SPON1: variants seen among roughly 807,000 people sequenced by gnomAD.
The protein encoded by SPON1 is spondin 1.
A neutral mutation model predicts 111.7 loss-of-function variants in SPON1; 52 were observed. The ratio of observed to expected loss-of-function variants is 0.47; its 90% CI spans 0.37 to 0.59. SPON1 has a LOEUF of 0.59. Ranked by LOEUF, SPON1 falls within the 20% of genes least tolerant of loss-of-function variation. SPON1 has a pLI of 0.00. For synonymous variants in SPON1, 410 were observed against 395.8 expected (o/e 1.04, Z -0.43); for missense variants, 957 against 1,068.5 (o/e 0.90, Z 1.46).
chr11:14,126,073 G>A (rs1847456289), intron 5 of SPON1, among the ~76,000 whole-genome samples: 2 of 152,196 alleles, frequency 1.3e-5, no homozygotes, highest in South Asian at 4.1e-4. Context: ...GGGAGAGTCT[G>A]CCTTTTATGT....
intron 2 of SPON1, among the ~76,000 whole-genome samples, chr11:14,025,545 C>T (rs186543353): frequency 3.3e-5 from 5 of 152,284 alleles, no homozygotes; most frequent in African/African-American, 9.6e-5. Flanking sequence ...CTGGAGCTGT[C>T]GATTCCACTG....
intron 2 of SPON1, among the ~76,000 whole-genome samples, chr11:13,996,289 T>A (rs1242908068): frequency 6.6e-6 from 1 of 152,204 alleles, no homozygotes; most frequent in African/African-American, 2.4e-5. Context: ...CAACACATTT[T>A]AAAAGCGATG....
At chr11:13,978,464 C>T (rs1376466152) in intron 1 of SPON1, among the ~76,000 whole-genome samples, 1 of 152,106 alleles carries the variant, frequency 6.6e-6, no homozygotes, top group Non-Finnish European at 1.5e-5. Flanking sequence ...GAACGTCTTA[C>T]AAATGTGTAA....
rs561514109 is a variant in SPON1, at chr11:14,090,069, TTA to T, written c.676+10049_676+10050del. Among the ~76,000 whole-genome samples the T allele has an allele frequency of 7.1e-4, 108 of 152,274 alleles. No homozygotes were observed. In the South Asian group the frequency reaches 0.02, roughly 29 times the overall value. The stretch of plus-strand genomic sequence containing the variant: ...AGTAAGAATTTCAAGCCAGTGGTTC[TTA>T]GACTGCTGGGCTCCACGGGAATGGG... On this transcript the variant is annotated intron_variant, in intron 5 of 15. Coordinates refer to ENST00000576479, the MANE Select transcript of SPON1 (RefSeq NM_006108.4).
At chr11:14,191,107 T>A (rs759532277) in intron 6 of SPON1, among the ~76,000 whole-genome samples, 12 of 152,182 alleles carry the variant, frequency 7.9e-5, no homozygotes, top group Non-Finnish European at 1.0e-4. Context: ...CTTTGTGAAG[T>A]TCCTCAAAAG....
At chr11:14,187,421 C>T (rs1172182447) in intron 6 of SPON1, among the ~76,000 whole-genome samples, 6 of 152,126 alleles carry the variant, frequency 3.9e-5, no homozygotes, top group African/African-American at 1.4e-4. Flanking sequence ...CTCTTATTGC[C>T]TTGGCCCACC....
chr11:14,099,200 T>C (rs1411809633), intron 5 of SPON1, among the ~76,000 whole-genome samples: 1 of 152,230 alleles, frequency 6.6e-6, no homozygotes, highest in Non-Finnish European at 1.5e-5. Context: ...ATTTTCATAG[T>C]TCCTAGCATA....
At chr11:14,086,131 C>G (rs1174049094) in intron 5 of SPON1, among the ~76,000 whole-genome samples, 1 of 152,084 alleles carries the variant, frequency 6.6e-6, no homozygotes, top group African/African-American at 2.4e-5. Flanking sequence ...TTTGAGTATG[C>G]TTTATTTCTT....
intron 6 of SPON1, among the ~76,000 whole-genome samples, chr11:14,172,999 T>G (rs1373548928): frequency 6.6e-6 from 1 of 151,912 alleles, no homozygotes; most frequent in Admixed American, 6.6e-5. Flanking sequence ...AGGAGCATCT[T>G]TGTGGCGTTC....
At chr11:14,248,317 A>G (rs1032839652) in intron 7 of SPON1, among the ~76,000 whole-genome samples, 5 of 152,170 alleles carry the variant, frequency 3.3e-5, no homozygotes, top group Non-Finnish European at 5.9e-5. Flanking sequence ...GAAGTTTGCT[A>G]TGAAAGAAGA....
intron 6 of SPON1, among the ~76,000 whole-genome samples, chr11:14,221,708 T>TG (rs1342982900): frequency 6.6e-6 from 1 of 152,204 alleles, no homozygotes; most frequent in African/African-American, 2.4e-5. Context: ...TTCTTATCAA[T>TG]GGGGGGTTCT....
At chr11:14,246,768 A>ATATT (rs1191104541) in intron 7 of SPON1, among the ~76,000 whole-genome samples, 11 of 152,270 alleles carry the variant, frequency 7.2e-5, no homozygotes, top group African/African-American at 2.6e-4. Flanking sequence ...GTGGGGAGAG[A>ATATT]TATTTACTAA....
intron 1 of SPON1, among the ~76,000 whole-genome samples, chr11:13,981,059 A>G (rs1417425575): frequency 2.0e-5 from 3 of 152,192 alleles, no homozygotes; most frequent in Non-Finnish European, 4.4e-5. Flanking sequence ...TTAAATCTCA[A>G]TTTACATCAA....
chr11:14,160,943 A>T lies in SPON1; in HGVS notation c.825+25375A>T, dbSNP rs868956241. ...TATATATTTATATATTTATATATAT[A>T]TTTATATATTTATATATATTTATAT... On this transcript the variant is annotated intron_variant, in intron 6 of 15. Transcript: ENST00000576479. Among the ~76,000 whole-genome samples the T allele has an allele frequency of 5.0e-3, 230 of 46,048 alleles. 7 individuals carry two copies. Among genetic ancestry groups the T allele is most frequent in the African/African-American group, 0.018 (207 of 11,746 alleles). 30.2% of individuals were successfully genotyped at this position (46,048 alleles called of 152,430 possible). A position where few individuals can be genotyped will look rare whatever the true frequency, so the allele number is the denominator to read the frequency against.
intron 6 of SPON1, among the ~76,000 whole-genome samples, chr11:14,161,895 G>A (rs1847969591): frequency 6.6e-6 from 1 of 151,928 alleles, no homozygotes; most frequent in African/African-American, 2.4e-5. Context: ...GCTCATGCCT[G>A]TAATCCCAGC....
At chr11:14,189,984 G>A (rs1339232754) in intron 6 of SPON1, among the ~76,000 whole-genome samples, 1 of 152,204 alleles carries the variant, frequency 6.6e-6, no homozygotes, top group Non-Finnish European at 1.5e-5. Context: ...GTAACTCCTT[G>A]AATGAAGAGC....
chr11:14,015,566 T>C (rs1591351586), intron 2 of SPON1, among the ~76,000 whole-genome samples: 1 of 152,346 alleles, frequency 6.6e-6, no homozygotes, highest in East Asian at 1.9e-4. Context: ...CATTTTAAAT[T>C]AGTTTATTAA....
intron 2 of SPON1, among the ~76,000 whole-genome samples, chr11:13,986,812 T>A (rs782380136): frequency 5.3e-5 from 8 of 151,644 alleles, no homozygotes; most frequent in Non-Finnish European, 1.2e-4. Context: ...GAACATGCGG[T>A]GTTTGGTTTT....
chr11:14,041,665 A>G lies in SPON1; in HGVS notation c.479+11A>G. On this transcript the variant is annotated intron_variant, in intron 3 of 15. Coordinates refer to ENST00000576479, the MANE Select transcript of SPON1 (RefSeq NM_006108.4). ...CTGCGTGATTCTGAAGTAAGTAAAC[A>G]TGGAATCCTTCCCTGCAGTTTATCA... 3 of 1,613,528 alleles carry G rather than the reference A, an allele frequency of 1.9e-6. No homozygotes were observed. In the South Asian group the frequency reaches 3.3e-5, roughly 18 times the overall value.
Sources: gnomAD v4.1 joint callset for allele counts (sites outside exome capture counted in the v4.1 genomes callset) on GRCh38, gnomAD v4.1.1 for gene constraint, MANE v1.5 for transcripts, NCBI Gene and HGNC (gene_info 2026-07-23, HGNC 2026-07-21) for gene names.